The following PUM1 variants were observed in gnomAD, a reference collection of about 807,000 sequenced individuals.
The protein encoded by PUM1 is pumilio homolog 1.
In PUM1, 13 loss-of-function variants were observed where a neutral mutation model predicts 131.8. The observed-to-expected ratio is 0.10, with a 90% CI of 0.06 to 0.16. PUM1 has a LOEUF of 0.16. Among genes scored for constraint, PUM1 ranks in the 10% least tolerant of loss-of-function variants. The probability of loss-of-function intolerance (pLI) is 1.00; values close to 1 mark genes in which losing one functional copy is unlikely to be tolerated. For missense variants in PUM1, 961 were observed against 1,512.4 expected (o/e 0.64, Z 6.05); for synonymous variants, 509 against 556.5 (o/e 0.91, Z 1.20).
intron 3 of PUM1, among the ~76,000 whole-genome samples, chr1:31,015,021 AATAGCC>A (rs1642760930): frequency 1.3e-5 from 2 of 152,272 alleles, no homozygotes; most frequent in South Asian, 4.2e-4. Context: ...GCTCACCAAA[AATAGCC>A]ATAATGACTA....
At chr1:31,035,935 A>G (rs2124559800) in intron 2 of PUM1, among the ~76,000 whole-genome samples, 1 of 152,326 alleles carries the variant, frequency 6.6e-6, no homozygotes, top group African/African-American at 2.4e-5. Flanking sequence ...TTAACTGTCA[A>G]TAACAACAAC....
intron 1 of PUM1, among the ~76,000 whole-genome samples, chr1:31,060,645 G>A (rs906439297): frequency 2.0e-5 from 3 of 151,804 alleles, no homozygotes; most frequent in African/African-American, 7.3e-5. Context: ...CCAACACTTC[G>A]GAGGCCAAGG....
chr1:30,979,590 G>A (rs1327141944), intron 9 of PUM1, among the ~76,000 whole-genome samples: 3 of 152,080 alleles, frequency 2.0e-5, no homozygotes, highest in Non-Finnish European at 4.4e-5. Flanking sequence ...ACATACTAGG[G>A]TAGAAAAAAG....
chr1:30,936,816 C>T lies in PUM1; in HGVS notation c.3262G>A (p.Val1088Ile). Residue 1088 changes from valine to isoleucine, a missense_variant, in exon 21 of 22, where the codon GTT becomes ATT. By Grantham distance (29) the Val-to-Ile change is conservative. Around this residue, in one of 4 missense-constraint regions of PUM1, gnomAD observed 178 missense variants for 327.5 expected, o/e 0.54. Transcript: ENST00000426105. The part of the protein sequence containing the change: ...KFASNVVEKC[V>I]THASRTERAV... Reference sequence around the variant, plus strand: ...CGCTCCGTACGTGAGGCGTGAGTAACACACTTCTCCACAACATTGCTGTAA... The same window carrying T: ...CGCTCCGTACGTGAGGCGTGAGTAATACACTTCTCCACAACATTGCTGTAA... The T allele has an allele frequency of 1.2e-6, 2 of 1,610,854 alleles. No homozygotes were observed. Among genetic ancestry groups the T allele is most frequent in the Non-Finnish European group, 1.7e-6 (2 of 1,177,776 alleles).
At chr1:30,966,374 C>T in intron 12 of PUM1, 96 bp from the exon 13 acceptor site, 1 of 1,217,346 alleles carries the variant, frequency 8.2e-7, no homozygotes, top group South Asian at 1.6e-5. Flanking sequence ...TTTAATGCTG[C>T]CTATCTTTTC....
chr1:30,981,794 C>T (rs1264619277), intron 7 of PUM1: 1 of 154,322 alleles, frequency 6.5e-6, no homozygotes, highest in Admixed American at 6.5e-5. Context: ...CAGGTCCTGC[C>T]TGATCCAAGG....
In PUM1 at chr1:30,933,443, C is replaced by CAT. The variant is rs1484220100; in HGVS notation, c.3436-102_3436-101insAT. The CAT allele has an allele frequency of 2.6e-4, 84 of 319,094 alleles. 1 individual carries two copies. The highest frequency in any genetic ancestry group is 2.1e-3 in the African/African-American group (57 of 27,592). The allele number at this position is 319,094 out of a possible 1,614,324, so 19.8% of individuals were successfully genotyped here. A position where few individuals can be genotyped will look rare whatever the true frequency, so the allele number is the denominator to read the frequency against. The stretch of plus-strand genomic sequence containing the variant: ...ATGTCATGCATCACACACACATACA[C>CAT]ACACACACACACACACACACACACA... On this transcript the variant is annotated intron_variant, in intron 21 of 21. Coordinates refer to ENST00000426105, the MANE Select transcript of PUM1 (RefSeq NM_001020658.2).
intron 7 of PUM1, among the ~76,000 whole-genome samples, chr1:30,985,364 C>T (rs1217774213): frequency 6.6e-6 from 1 of 152,116 alleles, no homozygotes; most frequent in Non-Finnish European, 1.5e-5. Flanking sequence ...TATTAAGAGT[C>T]TAAATCAGCC....
chr1:30,979,438 T>G (rs1055604725), intron 9 of PUM1, among the ~76,000 whole-genome samples: 3 of 152,158 alleles, frequency 2.0e-5, no homozygotes, highest in Non-Finnish European at 2.9e-5. Flanking sequence ...CTATATACTG[T>G]GGGTCCCAAC....
chr1:30,967,021 T>C (rs1640649778), intron 12 of PUM1, 146 bp downstream of exon 12: 4 of 923,470 alleles, frequency 4.3e-6, no homozygotes, highest in Non-Finnish European at 4.6e-6. Context: ...AGGTCACTTA[T>C]TGCTTCTGAT....
chr1:30,933,162 G>C lies in PUM1; in HGVS notation c.*49C>G. 1.3e-6 allele frequency: 2 copies of C among 1,566,740 alleles called. No homozygotes were observed. The highest frequency in any genetic ancestry group is 2.7e-5 in the African/African-American group (2 of 73,024). On this transcript the variant is annotated 3_prime_UTR_variant, in exon 22 of 22. Coordinates refer to ENST00000426105, the MANE Select transcript of PUM1 (RefSeq NM_001020658.2). ...TTCTGGTTGCTGGTTGGATTTGCCA[G>C]TGGGCCAGTGAGGTCAGCGGGAATG...
At chr1:31,054,068 T>C (rs1570364230) in intron 2 of PUM1, among the ~76,000 whole-genome samples, 1 of 121,546 alleles carries the variant, frequency 8.2e-6, no homozygotes, top group South Asian at 2.6e-4. Flanking sequence ...CACTCCAGCC[T>C]GGACTACAGA....
chr1:31,050,273 C>T (rs1025192028), intron 2 of PUM1, among the ~76,000 whole-genome samples: 3 of 151,938 alleles, frequency 2.0e-5, no homozygotes, highest in African/African-American at 7.2e-5. Flanking sequence ...CTGCTTGAGA[C>T]CAGGAGTTTA....
rs192382472 is a variant in PUM1, at chr1:31,015,798, G to A, written c.433-8696C>T. On this transcript the variant is annotated intron_variant, in intron 3 of 21. Transcript: ENST00000426105. ...AAGCATTTCTCCTGCCTCAGCCTCC[G>A]GAGTAGCTGGGATTACAGGCATGCG... Among the ~76,000 whole-genome samples, 32 of 150,684 alleles carry A rather than the reference G, an allele frequency of 2.1e-4. No individual in the cohort carries two copies. In the East Asian group the frequency reaches 4.9e-3, roughly 23 times the overall value.
chr1:30,999,624 A>C (rs1642128889), intron 5 of PUM1, among the ~76,000 whole-genome samples: 2 of 146,110 alleles, frequency 1.4e-5, no homozygotes, highest in African/African-American at 2.6e-5. Context: ...AAAAAAAAAA[A>C]AAAAAAAAAA....
chr1:30,958,330 T>C (rs1640256414), intron 14 of PUM1, among the ~76,000 whole-genome samples: 1 of 152,214 alleles, frequency 6.6e-6, no homozygotes, highest in Non-Finnish European at 1.5e-5. Context: ...GCTTTCATTT[T>C]TTTGCCCTAG....
intron 2 of PUM1, among the ~76,000 whole-genome samples, chr1:31,029,646 T>C (rs978172035): frequency 3.3e-5 from 5 of 152,234 alleles, no homozygotes; most frequent in Non-Finnish European, 7.3e-5. Context: ...CTCTGCTGTC[T>C]GAGGCTAGAG....
chr1:31,046,445 C>T lies in PUM1; in HGVS notation c.363+12759G>A, dbSNP rs57389409. 4.0e-5 allele frequency among the ~76,000 whole-genome samples: 6 copies of T among 150,584 alleles called. No homozygotes were observed. The East Asian group carries it at 1.2e-3, about 29-fold the overall frequency. On this transcript the variant is annotated intron_variant, in intron 2 of 21. Coordinates refer to ENST00000426105, the MANE Select transcript of PUM1 (RefSeq NM_001020658.2). ...AAAATATTACACAAAAAACATGAAG[C>T]GCATTCCTCTGGAGAAGTCTAATAA...
chr1:30,981,117 T>A (rs900399825), intron 8 of PUM1, among the ~76,000 whole-genome samples, 195 bp downstream of exon 8: 1 of 152,250 alleles, frequency 6.6e-6, no homozygotes, highest in Non-Finnish European at 1.5e-5. Context: ...AGAAATGTTA[T>A]GATGCGGGTC....
Sources: allele counts gnomAD v4.1 joint callset (sites outside exome capture counted in the v4.1 genomes callset), GRCh38; gene constraint gnomAD v4.1.1; regional missense constraint gnomAD v4.1.1; transcripts MANE v1.5; gene names NCBI Gene and HGNC (gene_info 2026-07-23, HGNC 2026-07-21).